The following PGM2L1 variants were observed in gnomAD, a reference collection of about 807,000 sequenced individuals.
PGM2L1 encodes phosphoglucomutase 2 like 1.
Under a neutral mutation model 73.4 loss-of-function variants are expected in PGM2L1, and 35 were observed. The observed-to-expected ratio is 0.48, with a 90% CI of 0.36 to 0.63. The LOEUF is 0.63. Among genes scored for constraint, PGM2L1 ranks in the 30% least tolerant of loss-of-function variants. PGM2L1 has a pLI of 0.00. For missense variants in PGM2L1, 570 were observed against 742.0 expected, an observed-to-expected ratio of 0.77 and a Z score of 2.69; for synonymous variants, 225 against 253.8, an observed-to-expected ratio of 0.89 and a Z score of 1.08.
chr11:74,398,332 A>G lies in PGM2L1; in HGVS notation c.-171T>C. 1.8e-6 allele frequency: 2 copies of G among 1,083,090 alleles called. No homozygotes were observed. The highest frequency in any genetic ancestry group is 2.5e-6 in the Non-Finnish European group (2 of 814,580). The allele number at this position is 1,083,090 out of a possible 1,614,324, so 67.1% of individuals were successfully genotyped here. Reference sequence around the variant, plus strand: ...CCTGCCGCGGCGTCAGGGAACCGGGAGAGAGGGGGTTTATGGCCGCCTGCT... The same window carrying G: ...CCTGCCGCGGCGTCAGGGAACCGGGGGAGAGGGGGTTTATGGCCGCCTGCT... On this transcript the variant is annotated 5_prime_UTR_variant, in exon 1 of 14. Transcript: ENST00000298198.
chr11:74,347,038 G>A (rs993848622), intron 7 of PGM2L1, 110 bp downstream of exon 7: 4 of 1,039,362 alleles, frequency 3.8e-6, no homozygotes, highest in Non-Finnish European at 5.4e-6. Context: ...ATTAAAAGAT[G>A]TAAACTACAG....
intron 1 of PGM2L1, 142 bp downstream of exon 1, chr11:74,397,909 G>T (rs1014851345): frequency 1.5e-6 from 2 of 1,344,048 alleles, no homozygotes; most frequent in Non-Finnish European, 1.9e-6. Flanking sequence ...CGCATAGGTG[G>T]GTGGCAACGC....
At chr11:74,342,860 T>A (rs746557840) in intron 11 of PGM2L1, 25 bp downstream of exon 11, 3 of 1,557,496 alleles carry the variant, frequency 1.9e-6, no homozygotes, top group Non-Finnish European at 2.6e-6. Context: ...ATCTAGCATG[T>A]GAAATTCATA....
chr11:74,350,546 G>A (rs1011872271), intron 6 of PGM2L1, among the ~76,000 whole-genome samples: 1 of 152,070 alleles, frequency 6.6e-6, no homozygotes, highest in East Asian at 1.9e-4. Flanking sequence ...GTTCAACCAT[G>A]ACTATGATCA....
At chr11:74,386,431 G>C (rs773525658) in intron 1 of PGM2L1, among the ~76,000 whole-genome samples, 1 of 151,442 alleles carries the variant, frequency 6.6e-6, no homozygotes, top group East Asian at 1.9e-4. Context: ...TAATACATTG[G>C]TGCACACTCT....
intron 13 of PGM2L1, among the ~76,000 whole-genome samples, 163 bp downstream of exon 13, chr11:74,338,305 G>C (rs1373731051): frequency 6.6e-6 from 1 of 152,152 alleles, no homozygotes; most frequent in Non-Finnish European, 1.5e-5. Context: ...CGGGCTTTTG[G>C]GGGTGATGAA....
chr11:74,370,628 T>C (rs1862737682), intron 4 of PGM2L1, among the ~76,000 whole-genome samples: 1 of 152,180 alleles, frequency 6.6e-6, no homozygotes, highest in Non-Finnish European at 1.5e-5. Context: ...CTTCATCATT[T>C]TTGTCTGCCC....
In PGM2L1 at chr11:74,361,494, T is replaced by TC. The variant is rs570729959; in HGVS notation, c.555+6997dup. ...AAAATTCTAAAAATCAGAACACCTC[T>TC]CCCCCTGCAAAGGAACACGGCTCCT... On this transcript the variant is annotated intron_variant, in intron 5 of 13. Coordinates refer to ENST00000298198, the MANE Select transcript of PGM2L1 (RefSeq NM_173582.6). Among the ~76,000 whole-genome samples, 28 of 152,026 alleles carry TC rather than the reference T, an allele frequency of 1.8e-4. 1 individual carries two copies. In the South Asian group the frequency reaches 5.8e-3, roughly 32 times the overall value.
rs142443497 is a variant in PGM2L1, at chr11:74,370,378, A to C, written c.471+524T>G. On this transcript the variant is annotated intron_variant, in intron 4 of 13. Coordinates refer to ENST00000298198, the MANE Select transcript of PGM2L1 (RefSeq NM_173582.6). ...TTATGTTATCTTCCTTAATCCATGA[A>C]TAGTTTATGAATGTGTTTTAAAAAT... 2.4e-3 allele frequency among the ~76,000 whole-genome samples: 361 copies of C among 152,342 alleles called. 3 individuals are homozygous for C. The highest frequency in any genetic ancestry group is 8.3e-3 in the African/African-American group (346 of 41,578).
At chr11:74,398,010 G>T in intron 1 of PGM2L1, 41 bp downstream of exon 1, 1 of 1,567,936 alleles carries the variant, frequency 6.4e-7, no homozygotes, top group Non-Finnish European at 8.6e-7. Flanking sequence ...CAGACTGTGT[G>T]GGGGAGGCGA....
At chr11:74,346,270 C>CAAAAAAAAAAAAAAAAAAAAAAAAAAGAA (rs1862263511) in intron 8 of PGM2L1, among the ~76,000 whole-genome samples, 1 of 57,880 alleles carries the variant, frequency 1.7e-5, no homozygotes, top group African/African-American at 6.8e-5. Flanking sequence ...ACTATGTCTC[C>CAAAAAAAAAAAAAAAAAAAAAAAAAAGAA]AAAAAAAAAA....
chr11:74,365,602 C>T (rs1158640086), intron 5 of PGM2L1, among the ~76,000 whole-genome samples: 1 of 152,126 alleles, frequency 6.6e-6, no homozygotes, highest in Non-Finnish European at 1.5e-5. Context: ...CCAACAGACA[C>T]ATGAAAAAAT....
At chr11:74,362,138 C>G (rs1261586700) in intron 5 of PGM2L1, among the ~76,000 whole-genome samples, 2 of 152,180 alleles carry the variant, frequency 1.3e-5, no homozygotes, top group African/African-American at 4.8e-5. Context: ...ATGTTAAGGG[C>G]AGCCAGAGAG....
chr11:74,391,963 G>C (rs1404903501), intron 1 of PGM2L1, among the ~76,000 whole-genome samples: 1 of 152,108 alleles, frequency 6.6e-6, no homozygotes, highest in Admixed American at 6.5e-5. Flanking sequence ...TAATTATATT[G>C]TTTAAACTTT....
chr11:74,397,816 G>C (rs1166243670), intron 1 of PGM2L1: 1 of 422,742 alleles, frequency 2.4e-6, no homozygotes, highest in Non-Finnish European at 4.0e-6. Flanking sequence ...AGAAGAGGAA[G>C]GGAGGTTACA....
intron 11 of PGM2L1, 80 bp from the exon 12 acceptor site, chr11:74,342,730 T>C: frequency 7.3e-7 from 1 of 1,378,328 alleles, no homozygotes; most frequent in Non-Finnish European, 9.8e-7. Flanking sequence ...ATCAGCCTAC[T>C]ATGGTATTTT....
intron 5 of PGM2L1, among the ~76,000 whole-genome samples, chr11:74,352,288 C>T (rs575538864): frequency 6.6e-6 from 1 of 152,130 alleles, no homozygotes; most frequent in African/African-American, 2.4e-5. Context: ...AAACTTGATA[C>T]TATTTAACTT....
At chr11:74,375,394 G>T (rs1458708768) in intron 1 of PGM2L1, among the ~76,000 whole-genome samples, 3 of 152,002 alleles carry the variant, frequency 2.0e-5, no homozygotes. Flanking sequence ...AAATAGAAAT[G>T]CATTTATAAT....
intron 1 of PGM2L1, among the ~76,000 whole-genome samples, chr11:74,390,010 T>A (rs1186898707): frequency 7.5e-6 from 1 of 132,568 alleles, no homozygotes; most frequent in East Asian, 2.2e-4. Flanking sequence ...TCCCAGCTAC[T>A]CGGGAGGCTG....
Sources: allele counts gnomAD v4.1 joint callset (sites outside exome capture counted in the v4.1 genomes callset), GRCh38; gene constraint gnomAD v4.1.1; transcripts MANE v1.5; gene names NCBI Gene and HGNC (gene_info 2026-07-23, HGNC 2026-07-21).